Variants in PCMT1 observed in about 807,000 individuals in gnomAD.
PCMT1 encodes protein-L-isoaspartate(D-aspartate) O-methyltransferase.
Under a neutral mutation model 29.2 loss-of-function variants are expected in PCMT1, and 9 were observed. That is an observed-to-expected ratio of 0.31 (90% CI 0.19 to 0.54). The LOEUF is 0.54. Ranked by LOEUF, PCMT1 falls within the 20% of genes least tolerant of loss-of-function variation. PCMT1 has a pLI of 0.95. For missense variants in PCMT1, 184 were observed against 282.2 expected (o/e 0.65, Z 2.49); for synonymous variants, 98 against 97.5 (o/e 1.00, Z -0.03).
intron 7 of PCMT1, among the ~76,000 whole-genome samples, chr6:149,805,637 T>A (rs374881300): frequency 2.0e-5 from 3 of 146,462 alleles, no homozygotes; most frequent in Admixed American, 6.9e-5. Flanking sequence ...CAAAGTTTTT[T>A]AAAAATTGAA....
chr6:149,803,041 AGGCTCTGTCTC>A (rs1775889550), intron 7 of PCMT1, among the ~76,000 whole-genome samples: 2 of 117,552 alleles, frequency 1.7e-5, no homozygotes, highest in African/African-American at 3.3e-5. Flanking sequence ...AGACAGAGCA[AGGCTCTGTCTC>A]AAAAAAAAAA....
intron 1 of PCMT1, among the ~76,000 whole-genome samples, chr6:149,757,587 T>G (rs749708703): frequency 2.6e-5 from 4 of 152,134 alleles, no homozygotes; most frequent in Non-Finnish European, 5.9e-5. Context: ...TTTGAAGAAA[T>G]GTCATGTAGT....
intron 1 of PCMT1, among the ~76,000 whole-genome samples, chr6:149,770,705 CAAA>C (rs1302278944): frequency 1.2e-3 from 79 of 63,700 alleles, no homozygotes; most frequent in African/African-American, 4.9e-3. Flanking sequence ...GACTCCATCT[CAAA>C]AAAAAAAAAA....
chr6:149,784,395 A>G (rs1282230952), intron 3 of PCMT1, among the ~76,000 whole-genome samples: 1 of 152,218 alleles, frequency 6.6e-6, no homozygotes, highest in Non-Finnish European at 1.5e-5. Context: ...ATATACAAAT[A>G]AAATAGTATA....
intron 3 of PCMT1, among the ~76,000 whole-genome samples, chr6:149,778,599 A>T (rs1232198446): frequency 2.6e-5 from 4 of 152,098 alleles, no homozygotes; most frequent in African/African-American, 9.7e-5. Flanking sequence ...GTACAGAAGC[A>T]TGATGATGGC....
rs73779555 is a variant in PCMT1 at position 149,758,786 on chromosome 6, G to T, written c.55+8830G>T. 3.5e-3 allele frequency among the ~76,000 whole-genome samples: 526 copies of T among 152,198 alleles called. 3 individuals are homozygous for T. The highest frequency in any genetic ancestry group is 0.012 in the African/African-American group (499 of 41,528). On this transcript the variant is annotated intron_variant, in intron 1 of 7. Transcript: ENST00000464889. Reference sequence around the variant, plus strand: ...TTTCCCCATTGATTGGCAGAGGAAGGTACATATTTTAAAATAATCTCTGGT... The same window carrying T: ...TTTCCCCATTGATTGGCAGAGGAAGTTACATATTTTAAAATAATCTCTGGT...
In PCMT1 at chr6:149,749,971, C is replaced by T; in HGVS notation, c.55+15C>T. On this transcript the variant is annotated intron_variant, in intron 1 of 7. Transcript: ENST00000464889. ...CAATCTCCGCAGTAAGTGCCACCTC[C>T]GCCCGTTGTAGGGCAGCTGGGGCAG... is the stretch of plus-strand genomic sequence containing the variant. 2 of 1,605,294 alleles carry T rather than the reference C, an allele frequency of 1.2e-6. No individual in the cohort carries two copies. The highest frequency in any genetic ancestry group is 1.3e-5 in the African/African-American group (1 of 74,842).
chr6:149,799,066 A>C (rs1788721302), intron 6 of PCMT1: 1 of 152,222 alleles, frequency 6.6e-6, no homozygotes, highest in Non-Finnish European at 1.5e-5. Flanking sequence ...ACTTCTCAGC[A>C]GTTTGGGAGG....
At chr6:149,786,715 C>T (rs9766286) in intron 3 of PCMT1, among the ~76,000 whole-genome samples, 7,737 of 103,720 alleles carry the variant, frequency 0.075, no homozygotes, top group East Asian at 0.21. Context: ...ACATCCCAGA[C>T]GGGGCGGCGG....
At position 149,771,275 on chromosome 6, in the gene PCMT1, T is replaced by C. The variant is rs763436731; in HGVS notation, c.160+9T>C. 2.0e-6 allele frequency: 3 copies of C among 1,482,920 alleles called. No homozygotes were observed. The highest frequency in any genetic ancestry group is 2.8e-6 in the Non-Finnish European group (3 of 1,066,812). 91.9% of individuals were successfully genotyped at this position (1,482,920 alleles called of 1,614,324 possible). On this transcript the variant is annotated intron_variant, in intron 2 of 7. Coordinates refer to ENST00000464889, the MANE Select transcript of PCMT1 (RefSeq NM_001360452.2). ...TTCTCCACAATCAATAGGTAAGCTT[T>C]AGATTTCTGAAAATATCATAGTTTT...
At chr6:149,779,743 TGCAGG>T (rs1207237041) in intron 3 of PCMT1, among the ~76,000 whole-genome samples, 1 of 151,616 alleles carries the variant, frequency 6.6e-6, no homozygotes, top group Admixed American at 6.6e-5. Flanking sequence ...CTGGGGAGGG[TGCAGG>T]TTGCAGTGAG....
chr6:149,752,037 T>G (rs903555733), intron 1 of PCMT1, among the ~76,000 whole-genome samples: 12 of 49,236 alleles, frequency 2.4e-4, no homozygotes, highest in African/African-American at 3.5e-4. Context: ...ATTTTTAGGG[T>G]TTTTTTTTTT....
intron 6 of PCMT1, among the ~76,000 whole-genome samples, chr6:149,800,214 C>G (rs1394158317): frequency 6.6e-6 from 1 of 152,040 alleles, no homozygotes; most frequent in Non-Finnish European, 1.5e-5. Context: ...GCCTGTAATC[C>G]CAGTACTTTA....
chr6:149,765,920 C>T (rs138469758), intron 1 of PCMT1, among the ~76,000 whole-genome samples: 1,952 of 151,064 alleles, frequency 0.013, 49 homozygotes, highest in African/African-American at 0.045. Flanking sequence ...GAGTGGAGAT[C>T]GCGCCACTGA....
At chr6:149,793,179 A>G (rs1788447220) in intron 4 of PCMT1, among the ~76,000 whole-genome samples, 1 of 151,338 alleles carries the variant, frequency 6.6e-6, no homozygotes, top group African/African-American at 2.4e-5. Flanking sequence ...AAAAAAAAAG[A>G]AATTCCTCCC....
At chr6:149,759,043 GT>G (rs907644313) in intron 1 of PCMT1, among the ~76,000 whole-genome samples, 3 of 151,860 alleles carry the variant, frequency 2.0e-5, no homozygotes, top group Non-Finnish European at 4.4e-5. Context: ...TGCCCAGCTA[GT>G]TTTTGTATTT....
rs146141473 is a variant in PCMT1, at chr6:149,783,353, G to T, written c.193-6601G>T. ...TCACCATGTTAGCCAGCCTGGTCTC[G>T]AACTCTTGACCTCGTGATCTGCCCA... On this transcript the variant is annotated intron_variant, in intron 3 of 7. Coordinates refer to ENST00000464889, the MANE Select transcript of PCMT1 (RefSeq NM_001360452.2). Among the ~76,000 whole-genome samples the T allele has an allele frequency of 3.3e-5, 5 of 152,136 alleles. No homozygotes were observed. In the East Asian group the frequency reaches 9.7e-4, roughly 29 times the overall value.
intron 1 of PCMT1, 42 bp downstream of exon 1, chr6:149,749,998 C>G (rs1260995699): frequency 6.3e-7 from 1 of 1,583,376 alleles, no homozygotes; most frequent in Non-Finnish European, 8.6e-7. Context: ...CTGGGGCAGG[C>G]TGGGCCTGGA....
rs143862598 is a variant in PCMT1, at chr6:149,783,013, C to G, written c.193-6941C>G. Among the ~76,000 whole-genome samples the G allele has an allele frequency of 9.7e-4, 148 of 152,136 alleles. 1 individual carries two copies. The highest frequency in any genetic ancestry group is 3.4e-3 in the African/African-American group (142 of 41,506). On this transcript the variant is annotated intron_variant, in intron 3 of 7. Transcript: ENST00000464889. ...TCTACAAAAATAAAAATAAAGATCA[C>G]TATTTTGTTATCATCAATGTAATGA... is the stretch of plus-strand genomic sequence containing the variant.
Sources: allele counts gnomAD v4.1 joint callset (sites outside exome capture counted in the v4.1 genomes callset), GRCh38; gene constraint gnomAD v4.1.1; transcripts MANE v1.5; gene names NCBI Gene and HGNC (gene_info 2026-07-23, HGNC 2026-07-21).